Variants in AFG2A observed in about 807,000 individuals in gnomAD.
AFG2A encodes the protein AAA ATPase AFG2A.
At chr4:123,161,646 T>C in the AFG2A span, among the ~76,000 whole-genome samples, 1 of 152,148 alleles carries the variant, frequency 6.6e-6, no homozygotes, top group Non-Finnish European at 1.5e-5. Flanking sequence ...TGGAAAAGTT[T>C]AGAATTTAGT....
chr4:123,012,243 C>T, the AFG2A span, among the ~76,000 whole-genome samples: 1 of 130,656 alleles, frequency 7.7e-6, no homozygotes, highest in Non-Finnish European at 1.6e-5. Flanking sequence ...AGGTGCTTGC[C>T]CCCCAGGAAA....
At chr4:123,190,184 A>T in the AFG2A span, among the ~76,000 whole-genome samples, 1 of 152,204 alleles carries the variant, frequency 6.6e-6, no homozygotes, top group South Asian at 2.1e-4. Context: ...CTTTTCAAAA[A>T]TGTGTATCGG....
chr4:123,301,839 C>A, the AFG2A span, among the ~76,000 whole-genome samples: 4 of 152,118 alleles, frequency 2.6e-5, no homozygotes, highest in Admixed American at 2.6e-4. Flanking sequence ...CCAGCCTACA[C>A]CAGATTGGAG....
chr4:123,228,642 C>T, the AFG2A span, among the ~76,000 whole-genome samples: 1 of 151,860 alleles, frequency 6.6e-6, no homozygotes, highest in Non-Finnish European at 1.5e-5. Flanking sequence ...TCATTTAATC[C>T]TTACAGCAAC....
the AFG2A span, among the ~76,000 whole-genome samples, chr4:123,091,801 A>T: frequency 6.6e-6 from 1 of 152,186 alleles, no homozygotes; most frequent in African/African-American, 2.4e-5. Context: ...GTAATATTTT[A>T]TAAGGATTTA....
At chr4:123,017,173 AG>A in the AFG2A span, among the ~76,000 whole-genome samples, 36,204 of 57,422 alleles carry the variant, frequency 0.63, 10,453 homozygotes, top group Non-Finnish European at 0.69. Context: ...GGGGAGAGGG[AG>A]AGGGGGGAGA....
At chr4:123,098,855 A>T in the AFG2A span, among the ~76,000 whole-genome samples, 14 of 151,982 alleles carry the variant, frequency 9.2e-5, no homozygotes, top group African/African-American at 3.4e-4. Flanking sequence ...GGACATACTG[A>T]TTTCATTTCC....
chr4:123,137,521 C>G, the AFG2A span, among the ~76,000 whole-genome samples: 2 of 152,282 alleles, frequency 1.3e-5, no homozygotes, highest in East Asian at 3.9e-4. Flanking sequence ...CACAATCAAT[C>G]CACTTTTCTT....
chr4:123,029,158 C>T, the AFG2A span, among the ~76,000 whole-genome samples: 73 of 152,256 alleles, frequency 4.8e-4, no homozygotes, highest in South Asian at 0.012. Flanking sequence ...TTTTCTTTAG[C>T]GTGATCTTGG....
the AFG2A span, among the ~76,000 whole-genome samples, chr4:123,062,991 T>C: frequency 1.3e-5 from 2 of 152,250 alleles, no homozygotes; most frequent in African/African-American, 4.8e-5. Flanking sequence ...TTGCACTGAA[T>C]CTTATGTAGT....
At chr4:122,926,683 G>A in the AFG2A span, among the ~76,000 whole-genome samples, 42 of 152,130 alleles carry the variant, frequency 2.8e-4, no homozygotes, top group African/African-American at 9.9e-4. Context: ...TGTGATTATG[G>A]TATATATGTT....
the AFG2A span, among the ~76,000 whole-genome samples, chr4:123,183,884 T>G: frequency 6.6e-6 from 1 of 152,118 alleles, no homozygotes; most frequent in Non-Finnish European, 1.5e-5. Flanking sequence ...CCCAGCCTCC[T>G]GAATAGCTGG....
the AFG2A span, among the ~76,000 whole-genome samples, chr4:123,053,566 C>T: frequency 3.7e-4 from 56 of 152,314 alleles, no homozygotes; most frequent in African/African-American, 1.3e-3. Context: ...TTGACTGTAA[C>T]AGGGGGGTCT....
chr4:123,067,579 TG>T, the AFG2A span, among the ~76,000 whole-genome samples: 1 of 143,152 alleles, frequency 7.0e-6, no homozygotes, highest in Non-Finnish European at 1.5e-5. Flanking sequence ...ATTTGGAACT[TG>T]TTATGATATT....
the AFG2A span, among the ~76,000 whole-genome samples, chr4:123,102,662 C>T: frequency 6.6e-6 from 1 of 151,904 alleles, no homozygotes; most frequent in Admixed American, 6.6e-5. Context: ...AACGAATGTT[C>T]AGTGTAGCCA....
At chr4:123,241,268 C>T in the AFG2A span, among the ~76,000 whole-genome samples, 25 of 152,316 alleles carry the variant, frequency 1.6e-4, no homozygotes, top group South Asian at 2.1e-3. Flanking sequence ...AGGAATCCTC[C>T]CTAACTCATT....
At chr4:123,060,754 T>G in the AFG2A span, among the ~76,000 whole-genome samples, 1 of 152,212 alleles carries the variant, frequency 6.6e-6, no homozygotes, top group Non-Finnish European at 1.5e-5. Flanking sequence ...GGCATTAGCA[T>G]TTGGTTCCTT....
the AFG2A span, among the ~76,000 whole-genome samples, chr4:122,959,444 A>T: frequency 6.6e-6 from 1 of 152,256 alleles, no homozygotes; most frequent in Non-Finnish European, 1.5e-5. Context: ...GAATACAAGT[A>T]AGAGTACAGA....
At chr4:123,255,334 G>C in the AFG2A span, among the ~76,000 whole-genome samples, 1 of 151,998 alleles carries the variant, frequency 6.6e-6, no homozygotes, top group Non-Finnish European at 1.5e-5. Context: ...AGACAAGCCT[G>C]GCCAACATGG....
Sources: allele counts gnomAD v4.1 joint callset (sites outside exome capture counted in the v4.1 genomes callset), GRCh38; gene constraint gnomAD v4.1.1; transcripts MANE v1.5; gene names NCBI Gene and HGNC (gene_info 2026-07-23, HGNC 2026-07-21).